PPFIA2: variants seen among roughly 807,000 people sequenced by gnomAD.
PPFIA2 encodes PPFI scaffold protein A2.
Under a neutral mutation model 175.5 loss-of-function variants are expected in PPFIA2, and 46 were observed. The observed-to-expected ratio is 0.26, with a 90% confidence interval of 0.21 to 0.34. The LOEUF is 0.34. Among genes scored for constraint, PPFIA2 ranks in the 10% least tolerant of loss-of-function variants. The probability of loss-of-function intolerance (pLI) is 1.00; values close to 1 mark genes in which losing one functional copy is unlikely to be tolerated. For synonymous variants in PPFIA2, 568 were observed against 511.4 expected (o/e 1.11, Z -1.49); for missense variants, 1,179 against 1,506.1 (o/e 0.78, Z 3.60).
chr12:81,278,275 G>T (rs2041081548), intron 27 of PPFIA2, among the ~76,000 whole-genome samples: 2 of 152,160 alleles, frequency 1.3e-5, no homozygotes, highest in African/African-American at 4.8e-5. Context: ...AGGCATGGTG[G>T]CTCACGCCTG....
intron 4 of PPFIA2, among the ~76,000 whole-genome samples, chr12:81,611,350 G>A (rs1056242425): frequency 2.6e-4 from 39 of 152,248 alleles, no homozygotes; most frequent in African/African-American, 9.1e-4. Context: ...TTCTGAGCTG[G>A]GGTTTCCTCT....
At chr12:81,298,034 ATC>A (rs1241506683) in intron 23 of PPFIA2, 1 of 152,154 alleles carries the variant, frequency 6.6e-6, no homozygotes, top group Non-Finnish European at 1.5e-5. Flanking sequence ...ATGTCAGTAA[ATC>A]TGTTTCTTTT....
At chr12:81,581,981 A>C (rs1312463038) in intron 4 of PPFIA2, among the ~76,000 whole-genome samples, 1 of 151,882 alleles carries the variant, frequency 6.6e-6, no homozygotes, top group African/African-American at 2.4e-5. Flanking sequence ...GGGGAAATTC[A>C]ATATTTGCAT....
intron 3 of PPFIA2, among the ~76,000 whole-genome samples, chr12:81,739,612 T>C (rs557676625): frequency 6.6e-6 from 1 of 151,966 alleles, no homozygotes; most frequent in South Asian, 2.1e-4. Flanking sequence ...CTATTATCGA[T>C]CAGCAACATA....
intron 7 of PPFIA2, among the ~76,000 whole-genome samples, chr12:81,434,426 A>C (rs1363913556): frequency 6.6e-6 from 1 of 152,134 alleles, no homozygotes; most frequent in African/African-American, 2.4e-5. Flanking sequence ...GAACAGATAA[A>C]AGCCTACTGT....
At chr12:81,360,114 C>G (rs1444780838) in intron 15 of PPFIA2, among the ~76,000 whole-genome samples, 3 of 151,920 alleles carry the variant, frequency 2.0e-5, no homozygotes. Flanking sequence ...ATCTACCCTT[C>G]TAGCTCCTAG....
intron 28 of PPFIA2, among the ~76,000 whole-genome samples, chr12:81,270,315 T>C (rs1409937225): frequency 6.6e-6 from 1 of 152,208 alleles, no homozygotes; most frequent in African/African-American, 2.4e-5. Flanking sequence ...TTGCTTTTTT[T>C]AGTCATTATG....
chr12:81,430,524 ACTCTCTCTCTCTCT>A (rs10570346), intron 7 of PPFIA2: 8 of 127,686 alleles, frequency 6.3e-5, no homozygotes, highest in South Asian at 2.5e-4. Context: ...TATGCTTAAA[ACTCTCTCTCTCTCT>A]CTCTCTCTCT....
intron 3 of PPFIA2, among the ~76,000 whole-genome samples, chr12:81,743,522 TAA>T (rs66667057): frequency 1.2e-4 from 18 of 145,168 alleles, no homozygotes; most frequent in African/African-American, 2.3e-4. Context: ...TAGCTTTTTT[TAA>T]AAAAAAAAGA....
intron 17 of PPFIA2, among the ~76,000 whole-genome samples, chr12:81,352,379 GA>G (rs1291982237): frequency 3.4e-5 from 3 of 88,912 alleles, no homozygotes; most frequent in African/African-American, 1.4e-4. Flanking sequence ...GGGGCAGACA[GA>G]GAGAGAGAGA....
rs539590894 is a variant in PPFIA2 at position 81,544,677 on chromosome 12, C to T, written c.304-86811G>A. 3.9e-5 allele frequency among the ~76,000 whole-genome samples: 6 copies of T among 152,204 alleles called. No homozygotes were observed. The South Asian group carries it at 1.0e-3, about 26-fold the overall frequency. Reference sequence around the variant, plus strand: ...ACTGCATGCTTTTGCTATTAAAAGACCACTGTTGAAGTATTTGAATATTAT... The same window carrying T: ...ACTGCATGCTTTTGCTATTAAAAGATCACTGTTGAAGTATTTGAATATTAT... On this transcript the variant is annotated intron_variant, in intron 4 of 32. Coordinates refer to ENST00000549396, the MANE Select transcript of PPFIA2 (RefSeq NM_003625.5).
chr12:81,420,958 A>T (rs1403282800), intron 7 of PPFIA2, among the ~76,000 whole-genome samples: 1 of 152,162 alleles, frequency 6.6e-6, no homozygotes, highest in East Asian at 1.9e-4. Flanking sequence ...TCCCTGTAAG[A>T]CTATTAGTAG....
chr12:81,398,522 C>T (rs775599644), intron 8 of PPFIA2, among the ~76,000 whole-genome samples: 9 of 152,050 alleles, frequency 5.9e-5, no homozygotes, highest in Non-Finnish European at 1.0e-4. Context: ...CTCCAATCCC[C>T]CTGTTCATGA....
At chr12:81,298,545 C>G (rs947732205) in intron 23 of PPFIA2, 1 of 152,212 alleles carries the variant, frequency 6.6e-6, no homozygotes, top group Non-Finnish European at 1.5e-5. Context: ...TGCCCTGACA[C>G]AGGCATATCC....
intron 4 of PPFIA2, chr12:81,506,010 C>A (rs1432275620): frequency 6.6e-6 from 1 of 152,134 alleles, no homozygotes; most frequent in East Asian, 1.9e-4. Context: ...CACAGAGCAT[C>A]CGACAGGGTT....
At chr12:81,311,513 C>A (rs2050792178) in intron 22 of PPFIA2, among the ~76,000 whole-genome samples, 1 of 151,888 alleles carries the variant, frequency 6.6e-6, no homozygotes, top group Non-Finnish European at 1.5e-5. Context: ...GCGGGTGGAT[C>A]ATGAGGTCAG....
chr12:81,615,731 G>C (rs912698025), intron 4 of PPFIA2, among the ~76,000 whole-genome samples: 32 of 152,098 alleles, frequency 2.1e-4, no homozygotes, highest in African/African-American at 7.7e-4. Flanking sequence ...AATGGGAGGA[G>C]AGAAATTGGA....
intron 7 of PPFIA2, among the ~76,000 whole-genome samples, chr12:81,426,054 T>A (rs568689242): frequency 6.6e-6 from 1 of 152,168 alleles, no homozygotes; most frequent in Non-Finnish European, 1.5e-5. Context: ...CACCTGATAA[T>A]CCAGCTTGAG....
intron 4 of PPFIA2, among the ~76,000 whole-genome samples, chr12:81,503,623 T>G (rs555426130): frequency 6.6e-6 from 1 of 152,232 alleles, no homozygotes; most frequent in East Asian, 1.9e-4. Flanking sequence ...TTATGTAAAT[T>G]TTTATAAACT....
Sources: allele counts gnomAD v4.1 joint callset (sites outside exome capture counted in the v4.1 genomes callset), GRCh38; gene constraint gnomAD v4.1.1; transcripts MANE v1.5; gene names NCBI Gene and HGNC (gene_info 2026-07-23, HGNC 2026-07-21).